Variants in PCDH9 observed in about 807,000 individuals in gnomAD.
PCDH9 encodes the protein protocadherin 9, also known as protocadherin-9.
PCDH9 carries 24 observed loss-of-function variants against 70.6 expected under a neutral mutation model. That is an observed-to-expected ratio of 0.34 (90% confidence interval 0.25 to 0.48). The LOEUF (loss-of-function observed/expected upper bound fraction) is 0.48. Ranked by LOEUF, PCDH9 falls within the 20% of genes least tolerant of loss-of-function variation. The pLI is 0.99. For missense variants in PCDH9, 1,281 were observed against 1,503.6 expected, an observed-to-expected ratio of 0.85 and a Z score of 2.45; for synonymous variants, 562 against 558.5, an observed-to-expected ratio of 1.01 and a Z score of -0.09.
At chr13:66,419,827 C>T (rs528595846) in intron 4 of PCDH9, among the ~76,000 whole-genome samples, 50 of 151,604 alleles carry the variant, frequency 3.3e-4, no homozygotes, top group African/African-American at 1.2e-3. Context: ...GTTCACTACC[C>T]TGGAAAGGGG....
intron 4 of PCDH9, among the ~76,000 whole-genome samples, chr13:66,401,645 T>A (rs908071649): frequency 6.6e-6 from 1 of 152,140 alleles, no homozygotes; most frequent in Non-Finnish European, 1.5e-5. Context: ...CCCTTCAGAC[T>A]TTTTATACCA....
intron 2 of PCDH9, among the ~76,000 whole-genome samples, chr13:66,930,232 T>C (rs1467452387): frequency 1.3e-5 from 2 of 152,164 alleles, no homozygotes; most frequent in Admixed American, 1.3e-4. Context: ...GTAACACCAA[T>C]TGTGACCTCA....
intron 2 of PCDH9, among the ~76,000 whole-genome samples, chr13:67,046,277 T>A (rs1326156653): frequency 1.3e-5 from 2 of 152,178 alleles, no homozygotes; most frequent in Admixed American, 1.3e-4. Context: ...CACTCAGTTT[T>A]AAGTGATATA....
At chr13:67,174,310 G>GATACATACATAC (rs567593126) in intron 2 of PCDH9, among the ~76,000 whole-genome samples, 4,889 of 149,394 alleles carry the variant, frequency 0.033, 110 homozygotes, top group Middle Eastern at 0.086. Context: ...TAGATAGATA[G>GATACATACATAC]ATAGATACAT....
chr13:66,755,029 T>C (rs1402503626), intron 3 of PCDH9, among the ~76,000 whole-genome samples: 1 of 152,184 alleles, frequency 6.6e-6, no homozygotes, highest in Non-Finnish European at 1.5e-5. Context: ...CAGCTTGTAA[T>C]GCACTTTGGG....
chr13:67,117,554 A>C lies in PCDH9; in HGVS notation c.3036+107851T>G, dbSNP rs150858810. Among the ~76,000 whole-genome samples, 3 of 152,312 alleles carry C rather than the reference A, an allele frequency of 2.0e-5. No homozygotes were observed. In the East Asian group the frequency reaches 5.8e-4, roughly 29 times the overall value. On this transcript the variant is annotated intron_variant, in intron 2 of 4. Transcript: ENST00000377865. ...GAGAAACACGGAAGTAAGAGTGAGA[A>C]AGGAAAAAGAGTAAAGTATAAATTT...
intron 2 of PCDH9, among the ~76,000 whole-genome samples, chr13:66,906,003 AC>A (rs2082354215): frequency 6.6e-6 from 1 of 152,160 alleles, no homozygotes; most frequent in Non-Finnish European, 1.5e-5. Flanking sequence ...TCAGACTTTT[AC>A]TGAGTGCATG....
intron 2 of PCDH9, among the ~76,000 whole-genome samples, chr13:67,117,946 T>C (rs186444334): frequency 3.2e-4 from 49 of 152,206 alleles, no homozygotes; most frequent in African/African-American, 1.1e-3. Flanking sequence ...TGACTAAATA[T>C]TAAGGTAACA....
intron 2 of PCDH9, among the ~76,000 whole-genome samples, chr13:67,042,922 G>A (rs145265943): frequency 4.0e-5 from 6 of 151,816 alleles, no homozygotes; most frequent in Admixed American, 1.3e-4. Context: ...CAGTCTTGGA[G>A]GATTAAAAAA....
intron 2 of PCDH9, among the ~76,000 whole-genome samples, chr13:66,988,253 T>C (rs2083933358): frequency 6.6e-6 from 1 of 152,072 alleles, no homozygotes; most frequent in Non-Finnish European, 1.5e-5. Flanking sequence ...TAGAAATTTG[T>C]TCAGGATTGC....
At chr13:66,572,795 T>C (rs1041546867) in intron 4 of PCDH9, among the ~76,000 whole-genome samples, 4 of 152,112 alleles carry the variant, frequency 2.6e-5, no homozygotes, top group Non-Finnish European at 4.4e-5. Flanking sequence ...GGCCTTGCTG[T>C]ATCACTCAGG....
chr13:66,941,853 AAAAATAGCAG>A (rs2083011297), intron 2 of PCDH9, among the ~76,000 whole-genome samples: 1 of 151,954 alleles, frequency 6.6e-6, no homozygotes, highest in African/African-American at 2.4e-5. Context: ...TACTTGGCCC[AAAAATAGCAG>A]AATGTATATT....
chr13:67,198,662 C>T (rs79774827), intron 2 of PCDH9, among the ~76,000 whole-genome samples: 1,851 of 151,876 alleles, frequency 0.012, 24 homozygotes, highest in Middle Eastern at 0.058. Context: ...TGTGGAATTA[C>T]CCTTTTTGGG....
chr13:66,614,856 A>G, intron 4 of PCDH9, among the ~76,000 whole-genome samples: 1 of 152,146 alleles, frequency 6.6e-6, no homozygotes, highest in South Asian at 2.1e-4. Context: ...CGTCCACCCT[A>G]CTGGCTGTGT....
chr13:67,039,093 G>T (rs1847833256), intron 2 of PCDH9, among the ~76,000 whole-genome samples: 1 of 152,126 alleles, frequency 6.6e-6, no homozygotes, highest in Admixed American at 6.5e-5. Flanking sequence ...TTCTGCATTG[G>T]CAAATGCATC....
intron 2 of PCDH9, among the ~76,000 whole-genome samples, chr13:67,129,674 T>G (rs907316549): frequency 2.0e-5 from 3 of 151,946 alleles, no homozygotes; most frequent in African/African-American, 4.8e-5. Context: ...ATTCCATATA[T>G]AGAGATATTA....
At chr13:66,822,132 A>ACG (rs145701983) in intron 3 of PCDH9, among the ~76,000 whole-genome samples, 2,395 of 53,298 alleles carry the variant, frequency 0.045, 73 homozygotes, top group African/African-American at 0.11. Context: ...CCCATCACAC[A>ACG]CGCGCACACA....
At chr13:66,443,546 A>T (rs1958013728) in intron 4 of PCDH9, among the ~76,000 whole-genome samples, 1 of 152,174 alleles carries the variant, frequency 6.6e-6, no homozygotes, top group Non-Finnish European at 1.5e-5. Context: ...TTCTAATAAA[A>T]CTAACAGTGC....
At chr13:67,164,100 C>T (rs982426955) in intron 2 of PCDH9, among the ~76,000 whole-genome samples, 4 of 152,180 alleles carry the variant, frequency 2.6e-5, no homozygotes, top group Non-Finnish European at 4.4e-5. Context: ...AATGTGTGTG[C>T]ACCTTCACAT....
Sources: gnomAD v4.1 joint callset for allele counts (sites outside exome capture counted in the v4.1 genomes callset) on GRCh38, gnomAD v4.1.1 for gene constraint, MANE v1.5 for transcripts, NCBI Gene and HGNC (gene_info 2026-07-23, HGNC 2026-07-21) for gene names.